Variants in PRKCE observed in about 807,000 individuals in gnomAD.
The protein encoded by PRKCE is protein kinase C epsilon.
Under a neutral mutation model 85.4 loss-of-function variants are expected in PRKCE, and 16 were observed. That is an observed-to-expected ratio of 0.19 (90% confidence interval 0.13 to 0.28). The LOEUF is 0.28. PRKCE is among the 10% of genes least tolerant of loss of function. PRKCE has a pLI of 1.00. For missense variants in PRKCE, 573 were observed against 975.2 expected (o/e 0.59, Z 5.49); for synonymous variants, 388 against 371.5 (o/e 1.04, Z -0.51).
In PRKCE at chr2:45,907,698, C is replaced by A. The variant is rs922962683; in HGVS notation, c.412+64635C>A. Among the ~76,000 whole-genome samples the A allele has an allele frequency of 9.9e-5, 15 of 152,186 alleles. No homozygotes were observed. The highest frequency in any genetic ancestry group is 1.3e-4 in the Non-Finnish European group (9 of 68,030). On this transcript the variant is annotated intron_variant, in intron 2 of 14. Transcript: ENST00000306156. This position sits in a 1 kb window ranked among gnomAD's most constrained non-coding sequence, Gnocchi z 4.5. The stretch of plus-strand genomic sequence containing the variant: ...ATCTGCCGTGGCCACCTCTCCAAGG[C>A]CAAGTGGAGCACAGCACCACTGCGC...
At chr2:46,007,250 T>G (rs1180777294) in intron 8 of PRKCE, among the ~76,000 whole-genome samples, 1 of 152,224 alleles carries the variant, frequency 6.6e-6, no homozygotes, top group African/African-American at 2.4e-5. Flanking sequence ...GTCCTCCTCC[T>G]CTTTGCATAC....
At chr2:45,762,957 T>TTC (rs1553403708) in intron 1 of PRKCE, among the ~76,000 whole-genome samples, 447 of 23,090 alleles carry the variant, frequency 0.019, 2 homozygotes, top group East Asian at 0.15. Context: ...TCTTTTCTTC[T>TTC]TTTTTTTTTT....
chr2:46,102,867 C>T (rs1487156803), intron 11 of PRKCE, among the ~76,000 whole-genome samples: 2 of 152,118 alleles, frequency 1.3e-5, no homozygotes, highest in African/African-American at 4.8e-5. Context: ...TGATATTGAC[C>T]TCAATAGTCA....
intron 1 of PRKCE, among the ~76,000 whole-genome samples, chr2:45,775,701 C>T (rs756780687): frequency 1.3e-5 from 2 of 152,210 alleles, no homozygotes; most frequent in African/African-American, 4.8e-5. Flanking sequence ...TCGGCTTCCA[C>T]CCTTGAGCTT....
intron 2 of PRKCE, among the ~76,000 whole-genome samples, chr2:45,926,362 G>A (rs1371509209): frequency 1.3e-5 from 2 of 152,168 alleles, no homozygotes; most frequent in Non-Finnish European, 2.9e-5. Flanking sequence ...TCACAAGTAG[G>A]TTTCCATTAC....
chr2:45,909,890 T>A (rs975532465), intron 2 of PRKCE, among the ~76,000 whole-genome samples: 1 of 152,192 alleles, frequency 6.6e-6, no homozygotes, highest in Non-Finnish European at 1.5e-5. Context: ...CAAACCTTAT[T>A]TAGGCTCTAG....
At chr2:46,086,988 G>C (rs776689343) in intron 11 of PRKCE, among the ~76,000 whole-genome samples, 1 of 152,136 alleles carries the variant, frequency 6.6e-6, no homozygotes, top group Non-Finnish European at 1.5e-5. Flanking sequence ...TTTCCATGAA[G>C]AGAACAAAAC....
intron 1 of PRKCE, among the ~76,000 whole-genome samples, chr2:45,769,237 C>T (rs1230860134): frequency 6.6e-6 from 1 of 152,194 alleles, no homozygotes; most frequent in Non-Finnish European, 1.5e-5. Context: ...TTTTCATCCT[C>T]GCCCACCTTA....
chr2:45,901,356 T>C (rs1156620348), intron 2 of PRKCE, among the ~76,000 whole-genome samples: 1 of 152,240 alleles, frequency 6.6e-6, no homozygotes. Flanking sequence ...CCTGGTCATG[T>C]TTTCATCTAG....
intron 10 of PRKCE, among the ~76,000 whole-genome samples, chr2:46,046,541 C>T (rs183862098): frequency 9.1e-4 from 138 of 152,226 alleles, no homozygotes; most frequent in African/African-American, 3.2e-3. Flanking sequence ...GGGGTTTCCT[C>T]GATGTACACG....
At chr2:45,818,686 G>A (rs550915991) in intron 1 of PRKCE, among the ~76,000 whole-genome samples, 1 of 152,296 alleles carries the variant, frequency 6.6e-6, no homozygotes, top group South Asian at 2.1e-4. Context: ...GGAGCCTCTG[G>A]CTTCGGGGGA....
chr2:45,996,246 AG>A (rs1466462411), intron 6 of PRKCE, among the ~76,000 whole-genome samples: 1 of 152,150 alleles, frequency 6.6e-6, no homozygotes, highest in Non-Finnish European at 1.5e-5. Context: ...TGGTTCCAGG[AG>A]TTTTTTGTTG....
Position 45,907,394 on chromosome 2 carries a change from C to T in PRKCE, c.412+64331C>T, listed in dbSNP as rs1454741172. ...TGGGTTCAAAAGCCAAGAACATCTG[C>T]GAGTCCTGCATTGCATTTGCTGAAT... is the stretch of plus-strand genomic sequence containing the variant. On this transcript the variant is annotated intron_variant, in intron 2 of 14. Coordinates refer to ENST00000306156, the MANE Select transcript of PRKCE (RefSeq NM_005400.3). The surrounding 1 kb of genome is among the most constrained non-coding windows in gnomAD (Gnocchi z 4.5). Among the ~76,000 whole-genome samples, 1 of 152,154 alleles carries T rather than the reference C, an allele frequency of 6.6e-6. No homozygotes were observed. Among genetic ancestry groups the T allele is most frequent in the Non-Finnish European group, 1.5e-5 (1 of 68,032 alleles).
At chr2:46,153,781 C>CTTTTTTTTTTTT (rs70937993) in intron 13 of PRKCE, among the ~76,000 whole-genome samples, 2 of 75,964 alleles carry the variant, frequency 2.6e-5, no homozygotes, top group African/African-American at 4.5e-5. Context: ...TCTTCTTCTT[C>CTTTTTTTTTTTT]TTTTTTTTTT....
intron 3 of PRKCE, among the ~76,000 whole-genome samples, chr2:45,977,470 C>T (rs1702546420): frequency 6.6e-6 from 1 of 151,808 alleles, no homozygotes; most frequent in African/African-American, 2.4e-5. Flanking sequence ...AACCCTGTGT[C>T]TACTAAAAAT....
At chr2:45,970,662 T>C (rs532217578) in intron 2 of PRKCE, among the ~76,000 whole-genome samples, 72 of 152,026 alleles carry the variant, frequency 4.7e-4, no homozygotes, top group Non-Finnish European at 9.6e-4. Context: ...TGGGAAACAA[T>C]TGGGGAAATT....
Position 46,010,325 on chromosome 2 carries a change from G to T in PRKCE, c.1264-19G>T. ...TTCCATACATGCATAGATTGATGGAGGCAATTGATTGATTGCAGGTCATGT... is the reference window on the plus strand; with the variant it reads ...TTCCATACATGCATAGATTGATGGATGCAATTGATTGATTGCAGGTCATGT... On this transcript the variant is annotated intron_variant, in intron 9 of 14. Transcript: ENST00000306156. The T allele has an allele frequency of 6.3e-7, 1 of 1,579,510 alleles. No homozygotes were observed. The highest frequency in any genetic ancestry group is 8.6e-7 in the Non-Finnish European group (1 of 1,165,708).
At chr2:46,031,283 G>T (rs1345447120) in intron 10 of PRKCE, among the ~76,000 whole-genome samples, 1 of 151,978 alleles carries the variant, frequency 6.6e-6, no homozygotes, top group African/African-American at 2.4e-5. Context: ...TGCTGTCTTC[G>T]ATCTCACTGC....
intron 10 of PRKCE, among the ~76,000 whole-genome samples, chr2:46,085,639 TA>T (rs1210615042): frequency 2.7e-5 from 4 of 146,958 alleles, no homozygotes; most frequent in Non-Finnish European, 4.5e-5. Flanking sequence ...ACCTGCCTCT[TA>T]TAAGGACACT....
Sources: allele counts gnomAD v4.1 joint callset (sites outside exome capture counted in the v4.1 genomes callset), GRCh38; gene constraint gnomAD v4.1.1; non-coding constraint Gnocchi (gnomAD v3.1); transcripts MANE v1.5; gene names NCBI Gene and HGNC (gene_info 2026-07-23, HGNC 2026-07-21).